BRD1: variants seen among roughly 807,000 people sequenced by gnomAD.
The protein encoded by BRD1 is bromodomain containing 1, also known as bromodomain-containing protein 1.
In BRD1, 24 loss-of-function variants were observed where a neutral mutation model predicts 107.7. That is an observed-to-expected ratio of 0.22 (90% CI 0.16 to 0.31). BRD1 has a LOEUF of 0.31. Among genes scored for constraint, BRD1 ranks in the 10% least tolerant of loss-of-function variants. BRD1 has a pLI of 1.00. For missense variants in BRD1, 1,279 were observed against 1,638.6 expected, an observed-to-expected ratio of 0.78 and a Z score of 3.79; for synonymous variants, 744 against 686.1, an observed-to-expected ratio of 1.08 and a Z score of -1.32.
intron 2 of BRD1, among the ~76,000 whole-genome samples, chr22:49,818,029 GTATT>G (rs1382263229): frequency 7.9e-5 from 12 of 152,216 alleles, no homozygotes; most frequent in African/African-American, 2.9e-4. Flanking sequence ...GAATATCTAG[GTATT>G]TAAAGTTCGC....
Position 49,787,631 on chromosome 22 carries a change from C to A in BRD1, c.2616G>T (p.Glu872Asp). The A allele has an allele frequency of 6.4e-7, 1 of 1,550,948 alleles. No individual in the cohort carries two copies. The highest frequency in any genetic ancestry group is 1.2e-5 in the South Asian group (1 of 84,196). ...TGCGTCTGTTTACATCGCTTGCTGG[C>A]TCCGCCACCGCGGAGGCCGCCGCCG... ...VPAAAASAVAEPASDVNRRTS... is the reference protein window; with the variant it reads ...VPAAAASAVADPASDVNRRTS... The change falls in exon 8 of 13, where the codon GAG becomes GAT. Residue 872 changes from glutamate (E) to aspartate (D), a missense_variant. Transcript: ENST00000404760.
chr22:49,795,734 G>A (rs557596743), intron 6 of BRD1, among the ~76,000 whole-genome samples: 5 of 152,366 alleles, frequency 3.3e-5, no homozygotes, highest in African/African-American at 1.2e-4. Context: ...TGGCAGGCAA[G>A]GCATCCAAGC....
chr22:49,795,199 A>G (rs1163490899), intron 6 of BRD1, among the ~76,000 whole-genome samples: 1 of 152,238 alleles, frequency 6.6e-6, no homozygotes, highest in Non-Finnish European at 1.5e-5. Flanking sequence ...GTTCATACAA[A>G]AAAACATATC....
At chr22:49,797,324 T>A (rs1166296517) in intron 6 of BRD1, among the ~76,000 whole-genome samples, 2 of 152,138 alleles carry the variant, frequency 1.3e-5, no homozygotes, top group East Asian at 3.8e-4. Context: ...AAGCCAGAGA[T>A]CCTCCGGCTT....
chr22:49,774,494 A>G (rs1167339684), intron 12 of BRD1, 78 bp from the exon 13 acceptor site: 2 of 1,450,058 alleles, frequency 1.4e-6, no homozygotes, highest in African/African-American at 2.8e-5. Flanking sequence ...TCATCTAACA[A>G]ATTCACTGCC....
intron 7 of BRD1, 91 bp downstream of exon 7, chr22:49,793,943 G>A (rs926394657): frequency 3.6e-5 from 54 of 1,506,596 alleles, no homozygotes; most frequent in South Asian, 2.9e-4. Flanking sequence ...GCACACCAAC[G>A]CTGCTGCCCG....
chr22:49,784,111 C>T (rs903666300), intron 8 of BRD1, among the ~76,000 whole-genome samples: 2 of 152,038 alleles, frequency 1.3e-5, no homozygotes, highest in African/African-American at 4.8e-5. Context: ...TGGAGACTCG[C>T]AACAGGGGTC....
At chr22:49,797,062 A>G (rs2059548548) in intron 6 of BRD1, among the ~76,000 whole-genome samples, 1 of 152,244 alleles carries the variant, frequency 6.6e-6, no homozygotes, top group Non-Finnish European at 1.5e-5. Flanking sequence ...ATGTGCTTTG[A>G]CAACCCATGT....
chr22:49,803,118 C>A lies in BRD1; in HGVS notation c.1524+1086G>T, dbSNP rs2059672234. Among the ~76,000 whole-genome samples the A allele has an allele frequency of 6.6e-6, 1 of 152,252 alleles. No homozygotes were observed. Among genetic ancestry groups the A allele is most frequent in the Admixed American group, 6.5e-5 (1 of 15,288 alleles). The stretch of plus-strand genomic sequence containing the variant: ...CCAAATCAGACCCACAAACCACCAC[C>A]TGCCAGACCAGAGCACCAGACTCTG... On this transcript the variant is annotated intron_variant, in intron 3 of 12. Coordinates refer to ENST00000404760, the MANE Select transcript of BRD1 (RefSeq NM_001304808.3). This position sits in a 1 kb window ranked among gnomAD's most constrained non-coding sequence, Gnocchi z 4.4.
intron 10 of BRD1, 115 bp from the exon 11 acceptor site, chr22:49,776,274 G>A (rs1789393330): frequency 4.5e-6 from 4 of 885,064 alleles, no homozygotes; most frequent in Middle Eastern, 5.7e-4. Context: ...CCAGCTCCCA[G>A]GCCTTTCTCA....
In BRD1 at chr22:49,803,683, T is replaced by C. The variant is rs2059683365; in HGVS notation, c.1524+521A>G. Among the ~76,000 whole-genome samples, 1 of 152,084 alleles carries C rather than the reference T, an allele frequency of 6.6e-6. No homozygotes were observed. The highest frequency in any genetic ancestry group is 2.1e-4 in the South Asian group (1 of 4,824). On this transcript the variant is annotated intron_variant, in intron 3 of 12. Transcript: ENST00000404760. This position sits in a 1 kb window ranked among gnomAD's most constrained non-coding sequence, Gnocchi z 4.4. ...CTTCCCTCCCACTCTCTCAGCTCTCTCGAGCCCTCCCCACCCCACCACAGT... is the reference window on the plus strand; with the variant it reads ...CTTCCCTCCCACTCTCTCAGCTCTCCCGAGCCCTCCCCACCCCACCACAGT...
chr22:49,818,289 A>G, intron 2 of BRD1: 1 of 1,279,116 alleles, frequency 7.8e-7, no homozygotes, highest in African/African-American at 1.5e-5. Context: ...CTCCTAGAAG[A>G]TCTGAAGCAG....
chr22:49,819,289 A>G (rs1047673651), intron 2 of BRD1, among the ~76,000 whole-genome samples: 6 of 149,596 alleles, frequency 4.0e-5, no homozygotes, highest in Non-Finnish European at 3.0e-5. Flanking sequence ...GAAAAGAAAA[A>G]ATAACAATAA....
rs999906088 is a variant in BRD1 at position 49,773,500 on chromosome 22, T to C, written c.*733A>G. Reference sequence around the variant, plus strand: ...AAGCCCCTCATTGTAAACAAAAGATTACAAGTTATAAAATCAAAGTACACA... The same window carrying C: ...AAGCCCCTCATTGTAAACAAAAGATCACAAGTTATAAAATCAAAGTACACA... On this transcript the variant is annotated 3_prime_UTR_variant, in exon 13 of 13. Transcript: ENST00000404760. 1 of 152,584 alleles carries C rather than the reference T, an allele frequency of 6.6e-6. No homozygotes were observed. The highest frequency in any genetic ancestry group is 2.4e-5 in the African/African-American group (1 of 41,458). The allele number at this position is 152,584 out of a possible 1,614,324, so 9.5% of individuals were successfully genotyped here. A position where few individuals can be genotyped will look rare whatever the true frequency, so the allele number is the denominator to read the frequency against.
chr22:49,788,408 G>C (rs2059370019), intron 7 of BRD1, among the ~76,000 whole-genome samples: 1 of 151,964 alleles, frequency 6.6e-6, no homozygotes, highest in South Asian at 2.1e-4. Flanking sequence ...GGCTGTGGAT[G>C]ATTTTCAAGA....
rs1490355576 is a variant in BRD1, at chr22:49,776,951, C to T, written c.3121+83G>A. 1.3e-5 allele frequency: 21 copies of T among 1,565,484 alleles called. No individual in the cohort carries two copies. The East Asian group carries it at 1.8e-4, about 13-fold the overall frequency. ...ACACAGGGCACCATGCTCCCTGAGC[C>T]GGAGTCCAGTCCCCAGCAGTCGAGC... On this transcript the variant is annotated intron_variant, in intron 10 of 12. Transcript: ENST00000404760.
At position 49,775,951 on chromosome 22, in the gene BRD1, C is replaced by T. The variant is rs562228438; in HGVS notation, c.3231+99G>A. ...CCCCGCCCCCCCGCCAGCTGTGGAA[C>T]CTCCTTGGACCACCGCCGTGAGCCT... On this transcript the variant is annotated intron_variant, in intron 11 of 12. Coordinates refer to ENST00000404760, the MANE Select transcript of BRD1 (RefSeq NM_001304808.3). 1.8e-4 allele frequency: 190 copies of T among 1,052,680 alleles called. 3 individuals are homozygous for T. In the South Asian group the frequency reaches 2.5e-3, roughly 14 times the overall value. 65.2% of individuals were successfully genotyped at this position (1,052,680 alleles called of 1,614,324 possible).
chr22:49,812,957 G>C (rs1156410090), intron 2 of BRD1, among the ~76,000 whole-genome samples: 1 of 152,206 alleles, frequency 6.6e-6, no homozygotes, highest in African/African-American at 2.4e-5. Context: ...CTGAGGCTCA[G>C]CACAAAGCTG....
Position 49,777,708 on chromosome 22 carries a change from G to A in BRD1, c.2963C>T (p.Ser988Phe). Residue 988 changes from serine (S) to phenylalanine (F), a missense_variant, in exon 9 of 13, where the codon TCC (serine) becomes TTC (phenylalanine). This residue lies in a region of BRD1 where 263 missense variants were observed against 251.6 expected (regional missense o/e 1.05). Coordinates refer to ENST00000404760, the MANE Select transcript of BRD1 (RefSeq NM_001304808.3). ...RRRCASESSISSSNSPLCDSS... is the reference protein window; with the variant it reads ...RRRCASESSIFSSNSPLCDSS... ...GTCGCAGAGCGGGCTGTTGCTGGAG[G>A]AGATGCTGGACTCGGAGGCACAGCG... is the stretch of plus-strand genomic sequence containing the variant. The A allele has an allele frequency of 6.2e-7, 1 of 1,608,498 alleles. No homozygotes were observed. The highest frequency in any genetic ancestry group is 8.5e-7 in the Non-Finnish European group (1 of 1,178,458).
Sources: allele counts gnomAD v4.1 joint callset (sites outside exome capture counted in the v4.1 genomes callset), GRCh38; gene constraint gnomAD v4.1.1; regional missense constraint gnomAD v4.1.1; non-coding constraint Gnocchi (gnomAD v3.1); transcripts MANE v1.5; gene names NCBI Gene and HGNC (gene_info 2026-07-23, HGNC 2026-07-21).